ZNRF1: variants seen among roughly 807,000 people sequenced by gnomAD.
ZNRF1 encodes the protein zinc and ring finger 1.
A neutral mutation model predicts 18.4 loss-of-function variants in ZNRF1; 3 were observed. That is an observed-to-expected ratio of 0.16 (90% CI 0.07 to 0.42). The LOEUF (loss-of-function observed/expected upper bound fraction) is 0.42, where lower values mean the gene tolerates loss of function less well. Among genes scored for constraint, ZNRF1 ranks in the 10% least tolerant of loss-of-function variants. The pLI is 0.99. For synonymous variants in ZNRF1, 157 were observed against 144.2 expected, an observed-to-expected ratio of 1.09 and a Z score of -0.64; for missense variants, 310 against 329.8, an observed-to-expected ratio of 0.94 and a Z score of 0.47.
At chr16:75,051,452 G>A (rs2035602818) in intron 1 of ZNRF1, among the ~76,000 whole-genome samples, 4 of 151,878 alleles carry the variant, frequency 2.6e-5, no homozygotes, top group Non-Finnish European at 5.9e-5. Context: ...CAAGTGATCT[G>A]CCCGCCTTGG....
At chr16:75,107,019 ATGGGCAGTGCAT>A in intron 4 of ZNRF1, 1 of 184,556 alleles carries the variant, frequency 5.4e-6, no homozygotes, top group South Asian at 1.1e-4. Context: ...CTAAACAGCC[ATGGGCAGTGCAT>A]TGTTCCCTGC....
At chr16:75,062,247 G>A (rs750435782) in intron 1 of ZNRF1, among the ~76,000 whole-genome samples, 8 of 152,176 alleles carry the variant, frequency 5.3e-5, no homozygotes, top group East Asian at 1.9e-4. Context: ...ATGCCTGGTC[G>A]TTGTCTCCCT....
intron 2 of ZNRF1, chr16:75,095,805 C>T: frequency 7.0e-7 from 1 of 1,430,254 alleles, no homozygotes; most frequent in Non-Finnish European, 9.3e-7. Flanking sequence ...ACCATGTGTC[C>T]CCCTGTCCCC....
At chr16:75,098,758 A>G (rs2036225938) in intron 2 of ZNRF1, among the ~76,000 whole-genome samples, 1 of 152,178 alleles carries the variant, frequency 6.6e-6, no homozygotes. Flanking sequence ...GCCACCAGGC[A>G]CAAGTGGAGA....
chr16:75,034,785 C>T (rs1053056877), intron 1 of ZNRF1, among the ~76,000 whole-genome samples: 7 of 150,220 alleles, frequency 4.7e-5, no homozygotes, highest in African/African-American at 1.7e-4. Context: ...CACCACTATA[C>T]CTGGCTAATT....
intron 1 of ZNRF1, among the ~76,000 whole-genome samples, chr16:75,006,818 G>C (rs1325858311): frequency 6.6e-6 from 1 of 152,180 alleles, no homozygotes; most frequent in African/African-American, 2.4e-5. Flanking sequence ...GTCTGAATCA[G>C]ATGGTTCATA....
chr16:75,028,877 G>A lies in ZNRF1; in HGVS notation c.424+28782G>A, dbSNP rs145571172. On this transcript the variant is annotated intron_variant, in intron 1 of 4. Transcript: ENST00000335325. ...GCTTCTAGAATACGATGCTCACTTA[G>A]TTTTCTTCCTATCTCTCTCATTGGT... 1.6e-3 allele frequency among the ~76,000 whole-genome samples: 238 copies of A among 152,282 alleles called. 1 individual carries two copies. Among genetic ancestry groups the A allele is most frequent in the Middle Eastern group, 0.01 (3 of 294 alleles).
intron 2 of ZNRF1, among the ~76,000 whole-genome samples, chr16:75,100,770 C>T (rs148713940): frequency 3.3e-5 from 5 of 152,354 alleles, no homozygotes; most frequent in East Asian, 3.9e-4. Flanking sequence ...ATAGCCCATA[C>T]GCTCATGTCA....
intron 1 of ZNRF1, among the ~76,000 whole-genome samples, chr16:75,063,738 G>A (rs1020280680): frequency 2.6e-5 from 4 of 152,126 alleles, no homozygotes; most frequent in South Asian, 4.1e-4. Context: ...ACCTGCCCCC[G>A]CCACCAAGCT....
At chr16:75,015,608 G>A (rs1246437801) in intron 1 of ZNRF1, among the ~76,000 whole-genome samples, 2 of 152,160 alleles carry the variant, frequency 1.3e-5, no homozygotes, top group East Asian at 3.9e-4. Context: ...TCTCAAGACA[G>A]GATCTCACTC....
chr16:75,107,367 C>G (rs1167570823), intron 4 of ZNRF1: 4 of 211,780 alleles, frequency 1.9e-5, no homozygotes, highest in Non-Finnish European at 3.9e-5. Flanking sequence ...GGTTTTGGGA[C>G]CTTTTTCTTC....
chr16:75,087,285 A>G (rs1170422593), intron 1 of ZNRF1, among the ~76,000 whole-genome samples: 1 of 152,198 alleles, frequency 6.6e-6, no homozygotes, highest in Admixed American at 6.5e-5. Flanking sequence ...TTCCCCTAAC[A>G]GTGGGCTTAC....
At chr16:75,060,291 A>G (rs2035725539) in intron 1 of ZNRF1, among the ~76,000 whole-genome samples, 1 of 151,870 alleles carries the variant, frequency 6.6e-6, no homozygotes, top group Non-Finnish European at 1.5e-5. Flanking sequence ...TGACGTTGTG[A>G]TCCGCCCATC....
intron 1 of ZNRF1, among the ~76,000 whole-genome samples, chr16:75,005,787 TTCTCTC>T (rs149900094): frequency 6.6e-6 from 1 of 151,666 alleles, no homozygotes; most frequent in East Asian, 1.9e-4. Flanking sequence ...TGTGAATGTG[TTCTCTC>T]TCTCTCTCTC....
At chr16:75,090,219 T>C (rs4482319) in intron 1 of ZNRF1, among the ~76,000 whole-genome samples, 114,303 of 152,136 alleles carry the variant, frequency 0.75, 44,799 homozygotes, top group Non-Finnish European at 0.87. Flanking sequence ...GACGCAGGTT[T>C]ACACCTCACC....
intron 1 of ZNRF1, among the ~76,000 whole-genome samples, chr16:75,077,299 G>A (rs2035951531): frequency 6.6e-6 from 1 of 152,226 alleles, no homozygotes; most frequent in African/African-American, 2.4e-5. Flanking sequence ...TTGGGAGGCT[G>A]AGGCAGGCGG....
intron 1 of ZNRF1, among the ~76,000 whole-genome samples, chr16:75,091,000 C>T (rs564994556): frequency 3.3e-5 from 5 of 152,260 alleles, no homozygotes; most frequent in South Asian, 2.1e-4. Flanking sequence ...ATTTCCCCAC[C>T]TTGGCCTCCT....
chr16:75,071,619 A>G (rs554755466), intron 1 of ZNRF1, among the ~76,000 whole-genome samples: 1 of 152,326 alleles, frequency 6.6e-6, no homozygotes. Flanking sequence ...GGGTCAGAAC[A>G]GTCCCAGGCC....
intron 1 of ZNRF1, among the ~76,000 whole-genome samples, chr16:75,091,841 G>A (rs1455740087): frequency 6.6e-6 from 1 of 151,872 alleles, no homozygotes; most frequent in African/African-American, 2.4e-5. Flanking sequence ...CCAGCCCTGT[G>A]GATAACTTTT....
Sources: allele counts gnomAD v4.1 joint callset (sites outside exome capture counted in the v4.1 genomes callset), GRCh38; gene constraint gnomAD v4.1.1; transcripts MANE v1.5; gene names NCBI Gene and HGNC (gene_info 2026-07-23, HGNC 2026-07-21).